Variants in ZC4H2 observed in about 807,000 individuals in gnomAD.
ZC4H2 encodes the protein zinc finger C4H2-type containing, also known as zinc finger C4H2 domain-containing protein.
For missense variants in ZC4H2, 137 were observed against 173.9 expected (o/e 0.79, Z 1.19); for synonymous variants, 84 against 66.3 (o/e 1.27, Z -1.30).
chrX:64,930,805 G>A (rs1929707385), intron 1 of ZC4H2, among the ~76,000 whole-genome samples: 1 of 111,391 alleles, frequency 9.0e-6, no homozygotes, highest in Admixed American at 9.5e-5. Flanking sequence ...ATGTTCATCA[G>A]GGTATTGGTC....
chrX:64,954,356 T>TTATATATATATATA (rs777562741), intron 1 of ZC4H2, among the ~76,000 whole-genome samples: 11 of 67,376 alleles, frequency 1.6e-4, no homozygotes, highest in African/African-American at 1.5e-3. Context: ...ATATATATAA[T>TTATATATATATATA]TATATATATA....
intron 1 of ZC4H2, among the ~76,000 whole-genome samples, chrX:64,993,346 T>A (rs1005623138): frequency 8.9e-6 from 1 of 111,736 alleles, no homozygotes; most frequent in African/African-American, 3.3e-5. Context: ...TGATTTTAGA[T>A]CTTAATCTCA....
chrX:65,019,023 C>G (rs1016517863), intron 1 of ZC4H2, among the ~76,000 whole-genome samples: 11 of 111,909 alleles, frequency 9.8e-5, no homozygotes, highest in Non-Finnish European at 1.5e-4. Flanking sequence ...GAAAAAAAGG[C>G]AGCAGCCCCA....
chrX:64,990,976 G>A (rs1932297567), intron 1 of ZC4H2, among the ~76,000 whole-genome samples: 1 of 111,602 alleles, frequency 9.0e-6, no homozygotes, highest in Non-Finnish European at 1.9e-5. Flanking sequence ...AGGCACATAG[G>A]GGCAAAGACT....
intron 1 of ZC4H2, among the ~76,000 whole-genome samples, chrX:64,992,767 C>G (rs1483821256): frequency 9.0e-6 from 1 of 111,450 alleles, no homozygotes; most frequent in Non-Finnish European, 1.9e-5. Context: ...ACTATCAAGG[C>G]TCGTCATTCT....
At chrX:64,968,758 G>C (rs1240903366) in intron 1 of ZC4H2, among the ~76,000 whole-genome samples, 1 of 111,514 alleles carries the variant, frequency 9.0e-6, no homozygotes, top group Non-Finnish European at 1.9e-5. Flanking sequence ...TTTTGGACCA[G>C]TATTCCTGAG....
chrX:64,988,511 CT>C (rs1008481167), intron 1 of ZC4H2, among the ~76,000 whole-genome samples: 2 of 111,223 alleles, frequency 1.8e-5, no homozygotes, highest in African/African-American at 6.5e-5. Context: ...TTTCATGTGT[CT>C]TTTGGCTGCA....
chrX:64,928,632 C>CCTTCTT (rs753426558), intron 1 of ZC4H2, among the ~76,000 whole-genome samples: 7,780 of 83,212 alleles, frequency 0.093, 422 homozygotes, highest in African/African-American at 0.15. Context: ...CCTGCTTTCT[C>CCTTCTT]CTTCTTCTTC....
intron 2 of ZC4H2, among the ~76,000 whole-genome samples, chrX:64,921,584 G>C (rs1202683226): frequency 2.7e-5 from 3 of 111,518 alleles, no homozygotes; most frequent in Admixed American, 9.5e-5. Context: ...CCCTTATAGT[G>C]CAGAGAGGGA....
At chrX:64,944,186 G>T (rs1277123580) in intron 1 of ZC4H2, among the ~76,000 whole-genome samples, 2 of 100,724 alleles carry the variant, frequency 2.0e-5, no homozygotes, top group Non-Finnish European at 4.0e-5. Flanking sequence ...TGTTGCCCAG[G>T]CTGGAGTGCA....
chrX:65,028,280 C>G (rs1932900691), intron 1 of ZC4H2, among the ~76,000 whole-genome samples: 2 of 111,475 alleles, frequency 1.8e-5, no homozygotes, highest in African/African-American at 6.5e-5. Context: ...TATTGAGAGC[C>G]TACTATGTGG....
chrX:64,977,643 C>T (rs1028467597), upstream of ZC4H2, among the ~76,000 whole-genome samples: 1 of 110,254 alleles, frequency 9.1e-6, no homozygotes, highest in Non-Finnish European at 1.9e-5. Context: ...GGATTACAGG[C>T]GCCCACCCAC....
intron 1 of ZC4H2, among the ~76,000 whole-genome samples, chrX:65,033,148 C>A (rs1277654078): frequency 4.5e-5 from 5 of 112,143 alleles, no homozygotes; most frequent in African/African-American, 1.6e-4. Flanking sequence ...GCTATTTTTA[C>A]ACTTTCTAAA....
chrX:65,030,319 C>G (rs1366334276), intron 1 of ZC4H2, among the ~76,000 whole-genome samples: 1 of 109,814 alleles, frequency 9.1e-6, no homozygotes, highest in Non-Finnish European at 1.9e-5. Flanking sequence ...CCGGGTTTTG[C>G]TACATTGCCC....
intron 1 of ZC4H2, among the ~76,000 whole-genome samples, chrX:64,930,046 T>C (rs752302004): frequency 9.0e-6 from 1 of 111,698 alleles, no homozygotes; most frequent in South Asian, 3.7e-4. Context: ...TGATCTTTTT[T>C]AGGAGTGTTT....
chrX:64,947,362 G>A (rs1175347240), intron 1 of ZC4H2, among the ~76,000 whole-genome samples: 1 of 111,722 alleles, frequency 9.0e-6, no homozygotes, highest in Non-Finnish European at 1.9e-5. Context: ...CTGGTTGATG[G>A]TGATGGTTCT....
chrX:64,937,349 C>T (rs1930062553), intron 1 of ZC4H2, among the ~76,000 whole-genome samples: 1 of 111,176 alleles, frequency 9.0e-6, no homozygotes, highest in Non-Finnish European at 1.9e-5. Context: ...GAGACTTTAA[C>T]ACCCCACTGT....
upstream of ZC4H2, among the ~76,000 whole-genome samples, chrX:64,977,761 A>G (rs1328551763): frequency 8.9e-6 from 1 of 111,870 alleles, no homozygotes; most frequent in Non-Finnish European, 1.9e-5. Context: ...TCAGCCTCCC[A>G]AAAGTGCTGG....
At chrX:64,995,004 C>T (rs1455511797) in intron 1 of ZC4H2, among the ~76,000 whole-genome samples, 1 of 110,265 alleles carries the variant, frequency 9.1e-6, no homozygotes, top group African/African-American at 3.3e-5. Context: ...AATTCTATCT[C>T]AGAGCTTCTT....
Sources: gnomAD v4.1 joint callset for allele counts (sites outside exome capture counted in the v4.1 genomes callset) on GRCh38, gnomAD v4.1.1 for gene constraint, MANE v1.5 for transcripts, NCBI Gene and HGNC (gene_info 2026-07-23, HGNC 2026-07-21) for gene names.